Variants in ZNF446 observed in about 807,000 individuals in gnomAD.
ZNF446 encodes zinc finger protein with KRAB and SCAN domains 20.
Under a neutral mutation model 34.0 loss-of-function variants are expected in ZNF446, and 42 were observed. The observed-to-expected ratio is 1.23, with a 90% CI of 0.96 to 1.60. ZNF446 has a LOEUF of 1.60. ZNF446 is among the 40% of genes most tolerant of loss of function. ZNF446 has a pLI of 0.00. For synonymous variants in ZNF446, 315 were observed against 251.0 expected, an observed-to-expected ratio of 1.25 and a Z score of -2.41; for missense variants, 650 against 600.2, an observed-to-expected ratio of 1.08 and a Z score of -0.87.
chr19:58,481,825 G>C (rs376719635), downstream of ZNF446, among the ~76,000 whole-genome samples: 1 of 152,084 alleles, frequency 6.6e-6, no homozygotes, highest in Non-Finnish European at 1.5e-5. Flanking sequence ...ATGGAGTCTC[G>C]CTCAGTTGCC....
At chr19:58,488,544 G>A in the ZNF446 span, among the ~76,000 whole-genome samples, 5 of 136,254 alleles carry the variant, frequency 3.7e-5, no homozygotes, top group African/African-American at 1.5e-4. Context: ...GCATAAACAT[G>A]ACTATGATAA....
chr19:58,477,928 C>G (rs2053103692), intron 3 of ZNF446, 102 bp downstream of exon 3: 3 of 1,352,900 alleles, frequency 2.2e-6, no homozygotes, highest in Non-Finnish European at 2.0e-6. Context: ...GGCTGGGACT[C>G]CTGAAGTGAA....
In ZNF446 at chr19:58,477,845, C is replaced by T. The variant is rs752456456; in HGVS notation, c.532+19C>T. On this transcript the variant is annotated intron_variant, in intron 3 of 6. Coordinates refer to ENST00000594369, the MANE Select transcript of ZNF446 (RefSeq NM_017908.4). ...GAAGTGGGTGAGGTTGGGGTCCCAC[C>T]AGAGATGAGGGACTCCTGGAGGAAG... is the stretch of plus-strand genomic sequence containing the variant. The T allele has an allele frequency of 9.9e-6, 15 of 1,519,238 alleles. No individual in the cohort carries two copies. The Admixed American group carries it at 1.8e-4, about 18-fold the overall frequency. 94.1% of individuals were successfully genotyped at this position (1,519,238 alleles called of 1,614,324 possible). A position where few individuals can be genotyped will look rare whatever the true frequency, so the allele number is the denominator to read the frequency against.
the ZNF446 span, among the ~76,000 whole-genome samples, chr19:58,488,418 T>A: frequency 6.6e-6 from 1 of 152,262 alleles, no homozygotes; most frequent in South Asian, 2.1e-4. Context: ...ACCCTGTTCA[T>A]AGCACTGGTT....
chr19:58,483,731 A>G (rs1411441563), downstream of ZNF446: 1 of 152,190 alleles, frequency 6.6e-6, no homozygotes, highest in East Asian at 1.9e-4. Context: ...AATATTCACA[A>G]TAGGAGAGGG....
At chr19:58,479,774 C>T (rs771961084) in intron 5 of ZNF446, 47 bp downstream of exon 5, 13 of 1,577,234 alleles carry the variant, frequency 8.2e-6, no homozygotes, top group African/African-American at 2.7e-5. Context: ...GGGGCCTGCA[C>T]CCACCCTGCA....
Position 58,480,749 on chromosome 19 carries a change from CG to C in ZNF446, c.*27del. Reference sequence around the variant, plus strand: ...TGAGCAGCCAGACAGCACAGTCCCTCGGGGCCTCGGTGTTCTCGGGGCCTGG... The same window carrying C: ...TGAGCAGCCAGACAGCACAGTCCCTCGGGCCTCGGTGTTCTCGGGGCCTGG... On this transcript the variant is annotated 3_prime_UTR_variant, in exon 7 of 7. Coordinates refer to ENST00000594369, the MANE Select transcript of ZNF446 (RefSeq NM_017908.4). The surrounding 1 kb of genome is among the most constrained non-coding windows in gnomAD (Gnocchi z 7.2). 2 of 1,585,034 alleles carry C rather than the reference CG, an allele frequency of 1.3e-6. No homozygotes were observed. Among genetic ancestry groups the C allele is most frequent in the Non-Finnish European group, 8.6e-7 (1 of 1,168,526 alleles).
downstream of ZNF446, among the ~76,000 whole-genome samples, chr19:58,486,096 T>C (rs1189935794): frequency 1.4e-5 from 2 of 143,576 alleles, no homozygotes; most frequent in East Asian, 2.0e-4. Context: ...TTCTTTTTTT[T>C]TTTTTTTTTT....
intron 4 of ZNF446, among the ~76,000 whole-genome samples, chr19:58,478,855 G>T (rs1250305263): frequency 1.3e-5 from 2 of 151,956 alleles, no homozygotes; most frequent in Non-Finnish European, 2.9e-5. Flanking sequence ...AAGATGACCA[G>T]CTGTGGCAGG....
intron 1 of ZNF446, 43 bp from the exon 2 acceptor site, chr19:58,477,136 C>A: frequency 7.7e-7 from 1 of 1,292,642 alleles, no homozygotes; most frequent in Non-Finnish European, 1.1e-6. Context: ...CTTCCCCTGG[C>A]CAGATTCTCT....
rs1222703248 is a variant in ZNF446, at chr19:58,480,961, A to G, written c.*235A>G. ...TAGAGGGAGGTCTGGGTTCCCTTCT[A>G]TGGCTGACCAGTGCCTGTGGGGTGA... On this transcript the variant is annotated 3_prime_UTR_variant, in exon 7 of 7. Transcript: ENST00000594369. The surrounding 1 kb of genome is among the most constrained non-coding windows in gnomAD (Gnocchi z 7.2). The G allele has an allele frequency of 1.2e-5, 7 of 568,806 alleles. No homozygotes were observed. The highest frequency in any genetic ancestry group is 9.4e-5 in the African/African-American group (5 of 53,318). The allele number at this position is 568,806 out of a possible 1,614,324, so 35.2% of individuals were successfully genotyped here. A position where few individuals can be genotyped will look rare whatever the true frequency, so the allele number is the denominator to read the frequency against.
At chr19:58,485,432 C>T (rs551431789), downstream of ZNF446, among the ~76,000 whole-genome samples, 1 of 152,130 alleles carries the variant, frequency 6.6e-6, no homozygotes, top group Non-Finnish European at 1.5e-5. Flanking sequence ...ATCACTTGAA[C>T]CCAGAAGGCA....
downstream of ZNF446, chr19:58,483,681 G>A (rs1175990546): frequency 6.6e-6 from 1 of 152,030 alleles, no homozygotes; most frequent in Non-Finnish European, 1.5e-5. Context: ...GGAGACGGAA[G>A]GGTAGGTCAG....
chr19:58,477,101 C>A, intron 1 of ZNF446, 78 bp from the exon 2 acceptor site: 1 of 885,222 alleles, frequency 1.1e-6, no homozygotes, highest in Non-Finnish European at 1.7e-6. Context: ...TGGTCTCAGC[C>A]CCCTGGGCTG....
Position 58,480,638 on chromosome 19 carries a change from G to A in ZNF446, c.1265G>A (p.Arg422His), listed in dbSNP as rs371204925. Residue 422 changes from arginine (R) to histidine (H), a missense_variant, in exon 7 of 7, where the codon CGT becomes CAT. Transcript: ENST00000594369. This position sits in a 1 kb window ranked among gnomAD's most constrained non-coding sequence, Gnocchi z 7.2. Reference protein sequence around the residue: ...IHRKSHTGQRRHFCSDCGRAF... With the variant: ...IHRKSHTGQRHHFCSDCGRAF... ...CGCAAGAGCCACACAGGCCAGCGGC[G>A]TCACTTCTGCAGTGACTGTGGCCGC... 2.3e-5 allele frequency: 37 copies of A among 1,611,856 alleles called. No individual in the cohort carries two copies. Among genetic ancestry groups the A allele is most frequent in the Middle Eastern group, 1.6e-4 (1 of 6,080 alleles).
intron 4 of ZNF446, chr19:58,479,377 A>G: frequency 2.1e-6 from 1 of 470,250 alleles, no homozygotes; most frequent in African/African-American, 2.0e-5. Flanking sequence ...CGATAAAGTC[A>G]CTCAGGTCCC....
chr19:58,486,088 C>CTTTTTTTT (rs71190045), downstream of ZNF446, among the ~76,000 whole-genome samples: 4 of 83,326 alleles, frequency 4.8e-5, 1 homozygote, highest in African/African-American at 9.8e-5. Flanking sequence ...AGCTAACTTT[C>CTTTTTTTT]TTTTTTTTTT....
chr19:58,487,134 C>T, the ZNF446 span, among the ~76,000 whole-genome samples: 1 of 152,212 alleles, frequency 6.6e-6, no homozygotes, highest in African/African-American at 2.4e-5. Flanking sequence ...ATACAGACCC[C>T]TAAAACCCTG....
In ZNF446 at chr19:58,477,266, G is replaced by C. The variant is rs772234094; in HGVS notation, c.48G>C (p.Glu16Asp). 6.2e-7 allele frequency: 1 copy of C among 1,606,024 alleles called. No homozygotes were observed. Among genetic ancestry groups the C allele is most frequent in the South Asian group, 1.1e-5 (1 of 90,614 alleles). Residue 16 changes from glutamate to aspartate, a missense_variant, in exon 2 of 7, where the codon GAG becomes GAC. Physicochemically the swap from Glu to Asp is conservative, Grantham distance 45. Coordinates refer to ENST00000594369, the MANE Select transcript of ZNF446 (RefSeq NM_017908.4). Reference sequence around the variant, plus strand: ...CATGCCTGCCCGTCATGGACCCAGAGACCACCCTTGAGGAGCCTGAGACTG... The same window carrying C: ...CATGCCTGCCCGTCATGGACCCAGACACCACCCTTGAGGAGCCTGAGACTG... ...GPPCLPVMDP[E>D]TTLEEPETAR... is the part of the protein sequence containing the mutation.
Sources: gnomAD v4.1 joint callset for allele counts (sites outside exome capture counted in the v4.1 genomes callset) on GRCh38, gnomAD v4.1.1 for gene constraint, Gnocchi (gnomAD v3.1) non-coding constraint, MANE v1.5 for transcripts, NCBI Gene and HGNC (gene_info 2026-07-23, HGNC 2026-07-21) for gene names.